ANKRD30B: variants seen among roughly 807,000 people sequenced by gnomAD.
ANKRD30B encodes the protein ankyrin repeat domain 30B.
ANKRD30B carries 144 observed loss-of-function variants against 202.2 expected under a neutral mutation model. The ratio of observed to expected loss-of-function variants is 0.71; its 90% CI spans 0.62 to 0.82. The LOEUF is 0.82. Among genes scored for constraint, ANKRD30B ranks in the 40% least tolerant of loss-of-function variants. ANKRD30B has a pLI of 0.00. For synonymous variants in ANKRD30B, 508 were observed against 561.3 expected, an observed-to-expected ratio of 0.91 and a Z score of 1.34; for missense variants, 1,487 against 1,669.1, an observed-to-expected ratio of 0.89 and a Z score of 1.90.
intron 30 of ANKRD30B, among the ~76,000 whole-genome samples, chr18:14,821,888 T>A (rs1485581346): frequency 6.6e-6 from 1 of 152,200 alleles, no homozygotes; most frequent in Non-Finnish European, 1.5e-5. Context: ...AAAATAAATA[T>A]ATTTATAAAC....
At chr18:14,899,639 G>A in the ANKRD30B span, among the ~76,000 whole-genome samples, 1 of 152,046 alleles carries the variant, frequency 6.6e-6, no homozygotes, top group Non-Finnish European at 1.5e-5. Flanking sequence ...AACATACAAA[G>A]TTATTTAACA....
chr18:14,798,991 T>C, intron 20 of ANKRD30B, 110 bp from the exon 21 acceptor site: 1 of 1,176,230 alleles, frequency 8.5e-7, no homozygotes, highest in Non-Finnish European at 1.3e-6. Flanking sequence ...TGTAATCCCT[T>C]TTCAATCCAA....
intron 24 of ANKRD30B, among the ~76,000 whole-genome samples, chr18:14,807,272 T>C (rs1241561733): frequency 6.6e-6 from 1 of 151,066 alleles, no homozygotes; most frequent in Non-Finnish European, 1.5e-5. Flanking sequence ...AAATGAGATA[T>C]ATTTCTATGT....
intron 16 of ANKRD30B, among the ~76,000 whole-genome samples, chr18:14,793,347 A>G (rs945025867): frequency 6.6e-6 from 1 of 152,184 alleles, no homozygotes; most frequent in African/African-American, 2.4e-5. Flanking sequence ...TTGTAATGTA[A>G]TGATACAAAT....
intron 9 of ANKRD30B, among the ~76,000 whole-genome samples, chr18:14,777,707 T>G (rs1355105185): frequency 2.0e-5 from 3 of 151,720 alleles, no homozygotes; most frequent in Admixed American, 2.0e-4. Flanking sequence ...TTTGGGAGGC[T>G]GAGGCGGGCG....
At chr18:14,933,778 G>A in the ANKRD30B span, among the ~76,000 whole-genome samples, 2 of 152,106 alleles carry the variant, frequency 1.3e-5, no homozygotes, top group Non-Finnish European at 2.9e-5. Context: ...GAGGGAAGGC[G>A]CATTGAGACC....
the ANKRD30B span, among the ~76,000 whole-genome samples, chr18:14,866,115 G>A: frequency 6.6e-6 from 1 of 152,220 alleles, no homozygotes; most frequent in Non-Finnish European, 1.5e-5. Context: ...CACCCAATCG[G>A]AACATGTAGT....
chr18:14,826,808 C>A (rs1168806933), intron 32 of ANKRD30B, among the ~76,000 whole-genome samples: 1 of 151,580 alleles, frequency 6.6e-6, no homozygotes, highest in South Asian at 2.1e-4. Flanking sequence ...TAGTATGGAA[C>A]CCTATACATC....
At chr18:14,797,261 A>G (rs1174439619) in intron 18 of ANKRD30B, among the ~76,000 whole-genome samples, 1 of 152,152 alleles carries the variant, frequency 6.6e-6, no homozygotes, top group Admixed American at 6.5e-5. Flanking sequence ...TTCCATTCCC[A>G]GAGCTATGAA....
intron 16 of ANKRD30B, among the ~76,000 whole-genome samples, chr18:14,793,183 T>C (rs1268976594): frequency 6.6e-6 from 1 of 151,984 alleles, no homozygotes; most frequent in African/African-American, 2.4e-5. Flanking sequence ...AATCAATGAA[T>C]ATTTATATTT....
intron 33 of ANKRD30B, 31 bp downstream of exon 33, chr18:14,828,339 T>G (rs2143056043): frequency 6.9e-7 from 1 of 1,453,622 alleles, no homozygotes. Flanking sequence ...AAAACGTATA[T>G]GTTAACTCAG....
intron 6 of ANKRD30B, among the ~76,000 whole-genome samples, chr18:14,762,778 A>AT (rs1278779964): frequency 6.6e-6 from 1 of 152,238 alleles, no homozygotes; most frequent in Non-Finnish European, 1.5e-5. Context: ...TGCATTGTAC[A>AT]ATATGAACTG....
intron 4 of ANKRD30B, among the ~76,000 whole-genome samples, chr18:14,756,917 T>C (rs182874553): frequency 1.3e-5 from 2 of 152,224 alleles, no homozygotes; most frequent in East Asian, 3.9e-4. Context: ...CAATATTAAA[T>C]AGAAACAGGA....
chr18:14,778,076 G>A lies in ANKRD30B; in HGVS notation c.1420+1G>A. 6.6e-7 allele frequency: 1 copy of A among 1,525,338 alleles called. No individual in the cohort carries two copies. The allele number at this position is 1,525,338 out of a possible 1,614,324, so 94.5% of individuals were successfully genotyped here. On this transcript the variant is annotated splice_donor_variant, in intron 10 of 43. Coordinates refer to ENST00000690538, the MANE Select transcript of ANKRD30B (RefSeq NM_001367607.2). LOFTEE classifies it high-confidence loss of function. ...AAAACAATAAATCACAAAATAGAAG[G>A]TAAGAACCATTTTTTATTTAAAACA...
intron 30 of ANKRD30B, among the ~76,000 whole-genome samples, chr18:14,819,479 G>A (rs1334230501): frequency 6.6e-6 from 1 of 151,442 alleles, no homozygotes; most frequent in African/African-American, 2.4e-5. Flanking sequence ...TTTCTTCTAG[G>A]GTTTTTATGG....
chr18:14,754,965 A>G lies in ANKRD30B; in HGVS notation c.577A>G (p.Thr193Ala), dbSNP rs199720481. 9.0e-4 allele frequency: 1,398 copies of G among 1,549,638 alleles called. 2 individuals are homozygous for G. Among genetic ancestry groups the G allele is most frequent in the Non-Finnish European group, 1.2e-3 (1,351 of 1,146,648 alleles). Residue 193 changes from threonine (T) to alanine (A), a missense_variant, in exon 4 of 44, where the codon ACA (threonine) becomes GCA (alanine). By Grantham distance (58) the Thr-to-Ala change is moderately conservative. This residue lies in a region of ANKRD30B where 889 missense variants were observed against 841.4 expected (regional missense o/e 1.06). Coordinates refer to ENST00000690538, the MANE Select transcript of ANKRD30B (RefSeq NM_001367607.2). The stretch of plus-strand genomic sequence containing the variant: ...CAAGCAAACTGTGGAATTTTTACTA[A>G]CAAAAAATGCAAATGCAAACGCATT... ...RSKQTVEFLL[T>A]KNANANAFNE...
chr18:14,875,493 G>A, the ANKRD30B span, among the ~76,000 whole-genome samples: 1 of 152,108 alleles, frequency 6.6e-6, no homozygotes, highest in Non-Finnish European at 1.5e-5. Flanking sequence ...CTTACTGTGT[G>A]GCTGGCATAG....
intron 39 of ANKRD30B, among the ~76,000 whole-genome samples, chr18:14,844,565 G>A (rs1342345638): frequency 6.6e-6 from 1 of 152,318 alleles, no homozygotes; most frequent in South Asian, 2.1e-4. Context: ...TGTCTTTATA[G>A]TAGCATGATT....
chr18:14,902,085 G>GA, the ANKRD30B span, among the ~76,000 whole-genome samples: 6 of 152,128 alleles, frequency 3.9e-5, no homozygotes, highest in African/African-American at 1.4e-4. Flanking sequence ...GAAAACTCCT[G>GA]AAAAAATCAG....
Sources: allele counts gnomAD v4.1 joint callset (sites outside exome capture counted in the v4.1 genomes callset), GRCh38; gene constraint gnomAD v4.1.1; regional missense constraint gnomAD v4.1.1; transcripts MANE v1.5; gene names NCBI Gene and HGNC (gene_info 2026-07-23, HGNC 2026-07-21).